The following CUL2 variants were observed in gnomAD, a reference collection of about 807,000 sequenced individuals.
CUL2 encodes the protein cullin 2.
CUL2 carries 22 observed loss-of-function variants against 110.2 expected under a neutral mutation model. That is an observed-to-expected ratio of 0.20 (90% CI 0.14 to 0.28). The LOEUF is 0.28. Among genes scored for constraint, CUL2 ranks in the 10% least tolerant of loss-of-function variants. CUL2 has a pLI of 1.00. For synonymous variants in CUL2, 279 were observed against 293.2 expected (o/e 0.95, Z 0.49); for missense variants, 631 against 905.5 (o/e 0.70, Z 3.89).
chr10:35,088,840 T>C (rs536505985), intron 1 of CUL2, among the ~76,000 whole-genome samples: 1 of 152,232 alleles, frequency 6.6e-6, no homozygotes, highest in Non-Finnish European at 1.5e-5. Context: ...TGTAGAAATG[T>C]TCCCCCAACT....
At chr10:35,036,758 G>C (rs769970254) in intron 9 of CUL2, among the ~76,000 whole-genome samples, 2 of 151,998 alleles carry the variant, frequency 1.3e-5, no homozygotes, top group African/African-American at 4.8e-5. Flanking sequence ...TTTTGAGACA[G>C]GGTCTTACTC....
chr10:35,067,737 C>T (rs1415944489), intron 2 of CUL2, among the ~76,000 whole-genome samples: 4 of 148,150 alleles, frequency 2.7e-5, no homozygotes, highest in Non-Finnish European at 4.4e-5. Context: ...GAGTGAGACC[C>T]TGCCACAAAA....
intron 19 of CUL2, 83 bp downstream of exon 19, chr10:35,013,615 TG>T: frequency 1.2e-6 from 1 of 865,948 alleles, no homozygotes; most frequent in Non-Finnish European, 1.8e-6. Flanking sequence ...TGCAAAGTTT[TG>T]CACAATCTCA....
chr10:35,015,752 G>T (rs941529241), intron 18 of CUL2, among the ~76,000 whole-genome samples: 4 of 152,162 alleles, frequency 2.6e-5, no homozygotes, highest in African/African-American at 7.2e-5. Flanking sequence ...ATTGAGTGCT[G>T]ACATTAAGAA....
At chr10:35,119,274 A>T (rs1429582599) in intron 1 of CUL2, among the ~76,000 whole-genome samples, 1 of 152,356 alleles carries the variant, frequency 6.6e-6, no homozygotes, top group East Asian at 1.9e-4. Flanking sequence ...ACCTGTTTTC[A>T]TTGGTTCAGT....
At chr10:35,048,809 T>C (rs1038791438) in intron 6 of CUL2, among the ~76,000 whole-genome samples, 44 of 152,222 alleles carry the variant, frequency 2.9e-4, no homozygotes, top group African/African-American at 1.0e-3. Flanking sequence ...AAAAATATTC[T>C]CTTATCTTCT....
At chr10:35,099,701 G>A (rs1241306822) in intron 2 of CUL2, 1 of 152,150 alleles carries the variant, frequency 6.6e-6, no homozygotes, top group Middle Eastern at 3.4e-3. Flanking sequence ...GCTTGAACCT[G>A]AGAGGCAGAG....
chr10:35,041,195 C>G (rs1307310682), intron 8 of CUL2, among the ~76,000 whole-genome samples: 7 of 152,172 alleles, frequency 4.6e-5, no homozygotes, highest in Non-Finnish European at 8.8e-5. Context: ...TCAGAGCATA[C>G]TATAGTGACT....
intron 1 of CUL2, among the ~76,000 whole-genome samples, chr10:35,122,083 T>C (rs1287232933): frequency 1.3e-5 from 2 of 152,188 alleles, no homozygotes; most frequent in African/African-American, 4.8e-5. Context: ...AAATGGCAAA[T>C]CAAAGACATC....
chr10:35,126,928 C>T (rs897646776), upstream of CUL2: 2 of 152,184 alleles, frequency 1.3e-5, no homozygotes, highest in African/African-American at 4.8e-5. Context: ...TCGGGGCCTC[C>T]CCCGGGAGGC....
chr10:35,049,723 G>C lies in CUL2; in HGVS notation c.466C>G (p.Gln156Glu). ...MWRKLMVEPLQAILIRMLLRE... is the reference protein window; with the variant it reads ...MWRKLMVEPLEAILIRMLLRE... ...AGCAGCATTCGGATAAGGATGGCCT[G>C]AAGTGGTTCAACCATCAATTTCCTC... The change falls in exon 6 of 21, where the codon CAG (glutamine) becomes GAG (glutamate). Residue 156 changes from glutamine (Q) to glutamate (E), a missense_variant. Around this residue, in one of 3 missense-constraint regions of CUL2, gnomAD observed 338 missense variants for 442.5 expected, o/e 0.76. Transcript: ENST00000374749. 1.9e-6 allele frequency: 3 copies of C among 1,613,594 alleles called. No homozygotes were observed. Among genetic ancestry groups the C allele is most frequent in the Non-Finnish European group, 1.7e-6 (2 of 1,179,768 alleles).
intron 4 of CUL2, among the ~76,000 whole-genome samples, chr10:35,059,083 A>C (rs2086316009): frequency 6.6e-6 from 1 of 152,202 alleles, no homozygotes; most frequent in South Asian, 2.1e-4. Context: ...ATGGATGAGA[A>C]AGTGGTTTCT....
At chr10:35,055,745 T>A (rs541125129) in intron 4 of CUL2, among the ~76,000 whole-genome samples, 1 of 152,348 alleles carries the variant, frequency 6.6e-6, no homozygotes, top group East Asian at 1.9e-4. Context: ...CATACTCTTT[T>A]TTTTCCCCTT....
chr10:35,091,936 T>TTTTTG (rs1173500799), upstream of CUL2, among the ~76,000 whole-genome samples: 4 of 151,732 alleles, frequency 2.6e-5, no homozygotes, highest in African/African-American at 7.3e-5. Context: ...CCCCCCCTGC[T>TTTTTG]TTTTGTTTTG....
chr10:35,051,552 G>GC (rs2086112319), intron 5 of CUL2, among the ~76,000 whole-genome samples: 1 of 152,214 alleles, frequency 6.6e-6, no homozygotes, highest in African/African-American at 2.4e-5. Flanking sequence ...GGCGGAGCCT[G>GC]CAGTGAGCCG....
At position 35,071,181 on chromosome 10, in the gene CUL2, C is replaced by T. The variant is rs747418588; in HGVS notation, c.119+18G>A. Reference sequence around the variant, plus strand: ...TATCAATTTTAGAACATTGATCAAGCTGCCATTAAAAGGATACGAGAAACG... The same window carrying T: ...TATCAATTTTAGAACATTGATCAAGTTGCCATTAAAAGGATACGAGAAACG... On this transcript the variant is annotated intron_variant, in intron 2 of 20. Coordinates refer to ENST00000374749, the MANE Select transcript of CUL2 (RefSeq NM_003591.4). 8 of 1,606,232 alleles carry T rather than the reference C, an allele frequency of 5.0e-6. No homozygotes were observed. The South Asian group carries it at 8.9e-5, about 18-fold the overall frequency.
intron 18 of CUL2, among the ~76,000 whole-genome samples, chr10:35,014,376 GT>G (rs1331246726): frequency 1.2e-4 from 18 of 152,258 alleles, no homozygotes; most frequent in African/African-American, 3.9e-4. Flanking sequence ...GGGGAAAACT[GT>G]TTAGGCAATT....
chr10:35,107,011 G>A (rs188176809), intron 1 of CUL2, among the ~76,000 whole-genome samples: 36 of 151,896 alleles, frequency 2.4e-4, no homozygotes, highest in Admixed American at 2.0e-3. Flanking sequence ...GTTTCACTCT[G>A]TCACCCAGAG....
chr10:35,021,891 T>TGAGGTGGGGG (rs2085208112), intron 17 of CUL2, among the ~76,000 whole-genome samples: 1 of 51,202 alleles, frequency 2.0e-5, no homozygotes, highest in African/African-American at 7.8e-5. Context: ...TGAGGTGGGG[T>TGAGGTGGGGG]GAGGTGGGGT....
Sources: allele counts gnomAD v4.1 joint callset (sites outside exome capture counted in the v4.1 genomes callset), GRCh38; gene constraint gnomAD v4.1.1; regional missense constraint gnomAD v4.1.1; transcripts MANE v1.5; gene names NCBI Gene and HGNC (gene_info 2026-07-23, HGNC 2026-07-21).